The following CNTN3 variants were observed in gnomAD, a reference collection of about 807,000 sequenced individuals.
CNTN3 encodes the protein contactin-3.
Under a neutral mutation model 119.1 loss-of-function variants are expected in CNTN3, and 60 were observed. The ratio of observed to expected loss-of-function variants is 0.50; its 90% CI spans 0.41 to 0.62. The LOEUF is 0.62. CNTN3 is among the 20% of genes least tolerant of loss of function. The pLI, the probability that CNTN3 is intolerant of heterozygous loss-of-function variation, is 0.00. For synonymous variants in CNTN3, 450 were observed against 438.7 expected (o/e 1.03, Z -0.32); for missense variants, 1,101 against 1,242.4 (o/e 0.89, Z 1.71).
intron 5 of CNTN3, 102 bp from the exon 6 acceptor site, chr3:74,371,501 G>A: frequency 2.5e-6 from 2 of 792,690 alleles, no homozygotes; most frequent in Non-Finnish European, 2.0e-6. Context: ...CTTCCAAGTA[G>A]TGCTGAGTGT....
chr3:74,293,354 T>C (rs1702273683), intron 19 of CNTN3, among the ~76,000 whole-genome samples: 1 of 151,320 alleles, frequency 6.6e-6, no homozygotes, highest in Non-Finnish European at 1.5e-5. Context: ...ACAGAAACTC[T>C]TTCAAGGCAG....
At chr3:74,426,616 C>T (rs567880869) in intron 4 of CNTN3, among the ~76,000 whole-genome samples, 3 of 152,152 alleles carry the variant, frequency 2.0e-5, no homozygotes, top group Non-Finnish European at 4.4e-5. Flanking sequence ...GCAAAACTCT[C>T]TTGTGTGTGC....
intron 2 of CNTN3, among the ~76,000 whole-genome samples, chr3:74,507,785 C>T (rs1249086861): frequency 6.6e-6 from 1 of 151,892 alleles, no homozygotes; most frequent in Admixed American, 6.6e-5. Flanking sequence ...GTGCCAGCTG[C>T]CACACCCGGC....
chr3:74,530,356 T>C (rs1456863338), intron 1 of CNTN3, among the ~76,000 whole-genome samples: 1 of 151,936 alleles, frequency 6.6e-6, no homozygotes, highest in African/African-American at 2.4e-5. Flanking sequence ...TGCCTGGTTC[T>C]CACAGCTCAC....
chr3:74,538,408 A>C (rs1421713649), intron 1 of CNTN3, among the ~76,000 whole-genome samples: 2 of 152,158 alleles, frequency 1.3e-5, no homozygotes, highest in East Asian at 3.9e-4. Context: ...ACTGAACTTC[A>C]GTTAAAATTC....
rs578009691 is a variant in CNTN3 at position 74,421,266 on chromosome 3, TC to T, written c.454+3578del. On this transcript the variant is annotated intron_variant, in intron 5 of 22. Coordinates refer to ENST00000263665, the MANE Select transcript of CNTN3 (RefSeq NM_020872.3). ...TCACTGCAACCTCCACCTCCCGAGC[TC>T]AAGCAATCCTCCCACCTCAGCCTCC... Among the ~76,000 whole-genome samples the T allele has an allele frequency of 7.7e-3, 1,178 of 152,058 alleles. 16 individuals are homozygous for T. Among genetic ancestry groups the T allele is most frequent in the African/African-American group, 0.027 (1,123 of 41,490 alleles).
chr3:74,556,429 C>A (rs1394988155), intron 1 of CNTN3, among the ~76,000 whole-genome samples: 1 of 152,166 alleles, frequency 6.6e-6, no homozygotes, highest in Non-Finnish European at 1.5e-5. Context: ...TGCCTTCTCT[C>A]ACTTAGCATA....
chr3:74,438,014 G>A (rs768457800), intron 4 of CNTN3, among the ~76,000 whole-genome samples: 6 of 152,128 alleles, frequency 3.9e-5, no homozygotes, highest in Non-Finnish European at 7.4e-5. Flanking sequence ...CCATAGAGGA[G>A]TTTTAACCAT....
At chr3:74,287,112 C>T (rs1280211349) in intron 19 of CNTN3, among the ~76,000 whole-genome samples, 3 of 152,286 alleles carry the variant, frequency 2.0e-5, no homozygotes, top group African/African-American at 7.2e-5. Context: ...CAGAGATTCG[C>T]CAGGCTTCGT....
chr3:74,475,408 G>A (rs552969367), intron 4 of CNTN3, among the ~76,000 whole-genome samples: 1 of 152,306 alleles, frequency 6.6e-6, no homozygotes, highest in East Asian at 1.9e-4. Context: ...AGGATGACAG[G>A]ATTAGTTTGG....
At chr3:74,292,278 A>C (rs549090555) in intron 19 of CNTN3, among the ~76,000 whole-genome samples, 2 of 152,338 alleles carry the variant, frequency 1.3e-5, no homozygotes, top group South Asian at 4.1e-4. Flanking sequence ...GATGAGCCAG[A>C]AACTGGCCAG....
chr3:74,288,631 A>T (rs986640612), intron 19 of CNTN3, among the ~76,000 whole-genome samples: 1 of 152,172 alleles, frequency 6.6e-6, no homozygotes, highest in Admixed American at 6.5e-5. Flanking sequence ...AAAATATGCT[A>T]ATCTGTATCA....
At chr3:74,608,752 C>T (rs1430969902) in intron 1 of CNTN3, among the ~76,000 whole-genome samples, 3 of 152,120 alleles carry the variant, frequency 2.0e-5, no homozygotes, top group African/African-American at 7.2e-5. Context: ...TCTATCTTTC[C>T]AGAAATATTT....
chr3:74,431,057 T>C (rs1701775464), intron 4 of CNTN3, among the ~76,000 whole-genome samples: 1 of 152,104 alleles, frequency 6.6e-6, no homozygotes, highest in Non-Finnish European at 1.5e-5. Context: ...TTCTTGTGAC[T>C]AGCTTTTTGT....
chr3:74,613,662 A>G (rs553430195), intron 1 of CNTN3, among the ~76,000 whole-genome samples: 1 of 152,314 alleles, frequency 6.6e-6, no homozygotes, highest in African/African-American at 2.4e-5. Context: ...CGTTCATTTC[A>G]CGCGACCAGA....
chr3:74,324,032 GT>G (rs1334432254), intron 13 of CNTN3, among the ~76,000 whole-genome samples: 2 of 151,912 alleles, frequency 1.3e-5, no homozygotes, highest in African/African-American at 4.8e-5. Context: ...ATATATTACT[GT>G]ATTTGGATTT....
intron 2 of CNTN3, among the ~76,000 whole-genome samples, chr3:74,515,225 A>G (rs1230356211): frequency 6.6e-6 from 1 of 152,098 alleles, no homozygotes; most frequent in African/African-American, 2.4e-5. Flanking sequence ...CATAGAAAGT[A>G]TGTGGGAGAT....
chr3:74,407,434 A>ATTT, intron 5 of CNTN3, among the ~76,000 whole-genome samples: 1 of 63,694 alleles, frequency 1.6e-5, no homozygotes, highest in African/African-American at 5.5e-5. Flanking sequence ...ACGCCTGGCT[A>ATTT]ATTTTTTTTT....
At chr3:74,507,520 C>T (rs1228101344) in intron 2 of CNTN3, among the ~76,000 whole-genome samples, 1 of 151,782 alleles carries the variant, frequency 6.6e-6, no homozygotes, top group African/African-American at 2.4e-5. Flanking sequence ...TCTATTACTG[C>T]CCCCACCATA....
Sources: allele counts gnomAD v4.1 joint callset (sites outside exome capture counted in the v4.1 genomes callset), GRCh38; gene constraint gnomAD v4.1.1; transcripts MANE v1.5; gene names NCBI Gene and HGNC (gene_info 2026-07-23, HGNC 2026-07-21).